GPHN: variants seen among roughly 807,000 people sequenced by gnomAD.
GPHN encodes gephyrin.
In GPHN, 17 loss-of-function variants were observed where a neutral mutation model predicts 95.5. The observed-to-expected ratio is 0.18, with a 90% CI of 0.12 to 0.27. The LOEUF (loss-of-function observed/expected upper bound fraction) is 0.27. GPHN is among the 10% of genes least tolerant of loss of function. The probability of loss-of-function intolerance (pLI) is 1.00; values close to 1 mark genes in which losing one functional copy is unlikely to be tolerated. For synonymous variants in GPHN, 320 were observed against 322.5 expected (o/e 0.99, Z 0.08); for missense variants, 660 against 978.1 (o/e 0.67, Z 4.34).
At position 66,922,924 on chromosome 14, in the gene GPHN, G is replaced by C. The variant is rs751089463; in HGVS notation, c.715G>C (p.Ala239Pro). ...DSSSSHITAA[A>P]IAAKKHPFYT... ...TTCCTCATCACATATAACTGCAGCA[G>C]CCATTGCTGCCAAGGTAAGCCTGAT... is the stretch of plus-strand genomic sequence containing the variant. The change falls in exon 7 of 23, where the codon GCC becomes CCC. Residue 239 changes from alanine (A) to proline (P), a missense_variant. Ala to Pro is a conservative substitution (Grantham distance 27). Transcript: ENST00000478722. 4.3e-6 allele frequency: 7 copies of C among 1,612,074 alleles called. No homozygotes were observed. Among genetic ancestry groups the C allele is most frequent in the Non-Finnish European group, 5.1e-6 (6 of 1,179,484 alleles).
chr14:67,051,375 T>C (rs1247499107), intron 10 of GPHN, among the ~76,000 whole-genome samples: 1 of 152,118 alleles, frequency 6.6e-6, no homozygotes, highest in Non-Finnish European at 1.5e-5. Context: ...TTGAAGACTA[T>C]CTTGCTGAAA....
intron 11 of GPHN, among the ~76,000 whole-genome samples, chr14:67,061,470 T>A (rs1177132812): frequency 6.6e-6 from 1 of 152,162 alleles, no homozygotes; most frequent in Non-Finnish European, 1.5e-5. Context: ...TTATTAACAC[T>A]CCCTACACGC....
intron 10 of GPHN, among the ~76,000 whole-genome samples, chr14:67,036,009 C>T (rs2074405110): frequency 6.6e-6 from 1 of 151,488 alleles, no homozygotes; most frequent in Non-Finnish European, 1.5e-5. Context: ...ACTAGGAAAC[C>T]AAATTGGATT....
At chr14:67,063,840 A>T (rs2075924255) in intron 11 of GPHN, among the ~76,000 whole-genome samples, 1 of 152,194 alleles carries the variant, frequency 6.6e-6, no homozygotes, top group Admixed American at 6.5e-5. Context: ...GGCTGAGACG[A>T]TGGAGTTTTC....
At chr14:67,320,215 T>G in the GPHN span, 2 of 1,595,826 alleles carry the variant, frequency 1.3e-6, no homozygotes, top group Non-Finnish European at 1.7e-6. Flanking sequence ...AGAGCTTAAC[T>G]TTTTTTTCCC....
In GPHN at chr14:66,837,614, AAAATAAATAAATAAATAAATAAAT is replaced by A. The variant is rs202145300; in HGVS notation, c.294+13068_294+13091del. ...TATAATAAAAATAAATAAATAAATA[AAAATAAATAAATAAATAAATAAAT>A]AAATAAATAAATAAATAAAAAGACT... is the stretch of plus-strand genomic sequence containing the variant. On this transcript the variant is annotated intron_variant, in intron 4 of 22. Coordinates refer to ENST00000478722, the MANE Select transcript of GPHN (RefSeq NM_020806.5). Among the ~76,000 whole-genome samples the A allele has an allele frequency of 1.4e-3, 209 of 144,504 alleles. 1 individual carries two copies. Among genetic ancestry groups the A allele is most frequent in the African/African-American group, 5.1e-3 (199 of 39,010 alleles). 94.8% of individuals were successfully genotyped at this position (144,504 alleles called of 152,430 possible). A position where few individuals can be genotyped will look rare whatever the true frequency, so the allele number is the denominator to read the frequency against.
At chr14:67,034,692 G>A (rs183526302) in intron 10 of GPHN, among the ~76,000 whole-genome samples, 1 of 152,138 alleles carries the variant, frequency 6.6e-6, no homozygotes, top group African/African-American at 2.4e-5. Flanking sequence ...GCTGTCACAA[G>A]AGACAAAGAA....
At chr14:66,740,394 T>C (rs2072694656) in intron 2 of GPHN, among the ~76,000 whole-genome samples, 1 of 152,138 alleles carries the variant, frequency 6.6e-6, no homozygotes, top group Admixed American at 6.5e-5. Flanking sequence ...AATAGTAAGA[T>C]ATGTTATTTA....
the GPHN span, among the ~76,000 whole-genome samples, chr14:67,439,218 TTGTTG>T: frequency 6.6e-6 from 1 of 152,098 alleles, no homozygotes. Context: ...AGCTCATAGG[TTGTTG>T]TGAAGCTTCA....
rs182405639 is a variant in GPHN at position 66,825,101 on chromosome 14, A to C, written c.294+535A>C. ...AATTAATATCTAGGCTTAAGACCAC[A>C]GGAAGCATCTTCAACTATTTTATAT... On this transcript the variant is annotated intron_variant, in intron 4 of 22. Transcript: ENST00000478722. Among the ~76,000 whole-genome samples the C allele has an allele frequency of 5.8e-4, 89 of 152,302 alleles. 2 individuals carry two copies. Among genetic ancestry groups the C allele is most frequent in the African/African-American group, 2.1e-3 (86 of 41,580 alleles).
At chr14:67,568,867 T>C in the GPHN span, among the ~76,000 whole-genome samples, 1 of 152,304 alleles carries the variant, frequency 6.6e-6, no homozygotes. Flanking sequence ...GAGGGAACTG[T>C]TGGGCACTGA....
chr14:66,857,508 T>C (rs17780682), intron 4 of GPHN, among the ~76,000 whole-genome samples: 6,710 of 151,984 alleles, frequency 0.044, 190 homozygotes, highest in Middle Eastern at 0.068. Context: ...AAACAGACAA[T>C]AGAACATGTA....
At chr14:66,572,484 G>C (rs1198534408) in intron 1 of GPHN, among the ~76,000 whole-genome samples, 1 of 74,152 alleles carries the variant, frequency 1.3e-5, no homozygotes, top group Non-Finnish European at 2.0e-5. Context: ...TTATTCCTCT[G>C]TGTGTGTGTG....
the GPHN span, chr14:67,376,687 T>G: frequency 7.4e-7 from 1 of 1,348,538 alleles, no homozygotes; most frequent in Non-Finnish European, 1.0e-6. Context: ...ACTTGCCAAA[T>G]TTAGATTAAA....
the GPHN span, among the ~76,000 whole-genome samples, chr14:67,191,662 T>C: frequency 2.6e-5 from 4 of 152,186 alleles, no homozygotes; most frequent in African/African-American, 4.8e-5. Flanking sequence ...TCAGCCCTAA[T>C]GGAGCCTTGA....
At chr14:67,117,925 G>A (rs1392409071) in intron 16 of GPHN, among the ~76,000 whole-genome samples, 1 of 152,048 alleles carries the variant, frequency 6.6e-6, no homozygotes, top group Non-Finnish European at 1.5e-5. Context: ...TATAACTGGT[G>A]GCAAGAGTTC....
rs188349120 is a variant in GPHN, at chr14:67,009,774, G to A, written c.964-13859G>A. 3.1e-3 allele frequency among the ~76,000 whole-genome samples: 467 copies of A among 151,752 alleles called. 6 individuals are homozygous for A. Among genetic ancestry groups the A allele is most frequent in the South Asian group, 0.026 (127 of 4,810 alleles). Reference sequence around the variant, plus strand: ...GTTTCTGGGGTTTTTTATTTGTTTCGTTTCTCTTTTTGTTTTTTTAGACAC... The same window carrying A: ...GTTTCTGGGGTTTTTTATTTGTTTCATTTCTCTTTTTGTTTTTTTAGACAC... On this transcript the variant is annotated intron_variant, in intron 9 of 22. Coordinates refer to ENST00000478722, the MANE Select transcript of GPHN (RefSeq NM_020806.5).
chr14:67,198,001 A>T, the GPHN span: 1 of 742,776 alleles, frequency 1.3e-6, no homozygotes, highest in Non-Finnish European at 2.1e-6. Flanking sequence ...TGTATGTATT[A>T]ATACAAGTGC....
At chr14:66,595,528 T>A (rs550508363) in intron 1 of GPHN, among the ~76,000 whole-genome samples, 1 of 152,136 alleles carries the variant, frequency 6.6e-6, no homozygotes, top group East Asian at 1.9e-4. Context: ...GTGAGGGGTG[T>A]GTGAGTTAGC....
Sources: gnomAD v4.1 joint callset for allele counts (sites outside exome capture counted in the v4.1 genomes callset) on GRCh38, gnomAD v4.1.1 for gene constraint, MANE v1.5 for transcripts, NCBI Gene and HGNC (gene_info 2026-07-23, HGNC 2026-07-21) for gene names.